HERC4: variants seen among roughly 807,000 people sequenced by gnomAD.
The protein encoded by HERC4 is probable E3 ubiquitin-protein ligase HERC4.
A neutral mutation model predicts 124.3 loss-of-function variants in HERC4; 28 were observed. The observed-to-expected ratio is 0.23, with a 90% CI of 0.17 to 0.31. The LOEUF (loss-of-function observed/expected upper bound fraction) is 0.31, where lower values mean the gene tolerates loss of function less well. Among genes scored for constraint, HERC4 ranks in the 10% least tolerant of loss-of-function variants. HERC4 has a pLI of 1.00. For synonymous variants in HERC4, 407 were observed against 421.5 expected (o/e 0.97, Z 0.42); for missense variants, 713 against 1,229.3 (o/e 0.58, Z 6.28).
chr10:68,027,734 C>A (rs1289130411), intron 7 of HERC4, among the ~76,000 whole-genome samples: 1 of 151,972 alleles, frequency 6.6e-6, no homozygotes, highest in Non-Finnish European at 1.5e-5. Context: ...GCCATCCTGG[C>A]CAACATGCTG....
At chr10:67,927,430 A>ATTTT (rs373401588) in intron 23 of HERC4, among the ~76,000 whole-genome samples, 584 of 37,512 alleles carry the variant, frequency 0.016, 15 homozygotes, top group South Asian at 0.033. Flanking sequence ...ATATATATAT[A>ATTTT]TTTTTTTTTT....
intron 3 of HERC4, chr10:68,069,954 A>C (rs1483456747): frequency 4.1e-6 from 2 of 489,706 alleles, no homozygotes; most frequent in Non-Finnish European, 5.3e-6. Flanking sequence ...AGGCAGGAGA[A>C]TCGCTTGAAC....
intron 3 of HERC4, among the ~76,000 whole-genome samples, chr10:68,059,523 ATAATAT>A (rs1325704673): frequency 5.3e-5 from 5 of 94,756 alleles, no homozygotes; most frequent in East Asian, 5.6e-4. Flanking sequence ...ATATATCATA[ATAATAT>A]TATATATCAT....
At chr10:68,007,135 T>C (rs771082646) in intron 9 of HERC4, among the ~76,000 whole-genome samples, 1 of 152,188 alleles carries the variant, frequency 6.6e-6, no homozygotes, top group Non-Finnish European at 1.5e-5. Flanking sequence ...AGCTATTTTC[T>C]AGATCCTGTG....
intron 5 of HERC4, among the ~76,000 whole-genome samples, chr10:68,035,320 T>C (rs2039406033): frequency 6.6e-6 from 1 of 152,094 alleles, no homozygotes; most frequent in Non-Finnish European, 1.5e-5. Flanking sequence ...GCCTGGCTAA[T>C]TTTTAAAAAA....
intron 15 of HERC4, among the ~76,000 whole-genome samples, chr10:67,977,633 T>C (rs955387718): frequency 2.0e-5 from 3 of 152,102 alleles, no homozygotes; most frequent in African/African-American, 7.2e-5. Flanking sequence ...TCTGGACCTG[T>C]GCTGGGCCAG....
At chr10:68,023,140 C>T (rs1182431943) in intron 8 of HERC4, among the ~76,000 whole-genome samples, 1 of 151,948 alleles carries the variant, frequency 6.6e-6, no homozygotes, top group Non-Finnish European at 1.5e-5. Context: ...GCAGTTCCTA[C>T]AAAAATTAAA....
chr10:68,052,013 A>C lies in HERC4; in HGVS notation c.227-7450T>G, dbSNP rs79024650. Among the ~76,000 whole-genome samples the C allele has an allele frequency of 0.026, 4,031 of 152,128 alleles. 399 individuals carry two copies. The East Asian group carries it at 0.31, about 12-fold the overall frequency. On this transcript the variant is annotated intron_variant, in intron 3 of 24. Transcript: ENST00000373700. ...CAAACTGTTCATATAAAAAGGGTGAAAAAAAAGTATCATTGTGTTCCTATC... is the reference window on the plus strand; with the variant it reads ...CAAACTGTTCATATAAAAAGGGTGACAAAAAAGTATCATTGTGTTCCTATC...
At chr10:67,998,885 G>A (rs2037062332) in intron 9 of HERC4, among the ~76,000 whole-genome samples, 1 of 152,006 alleles carries the variant, frequency 6.6e-6, no homozygotes, top group African/African-American at 2.4e-5. Context: ...GACTACAGGT[G>A]TGCACCACCA....
At chr10:67,977,118 G>GCAGC (rs2035639372) in intron 15 of HERC4, among the ~76,000 whole-genome samples, 2 of 152,184 alleles carry the variant, frequency 1.3e-5, no homozygotes, top group Admixed American at 6.5e-5. Flanking sequence ...ACCCAAGGCT[G>GCAGC]CACAGCTTGT....
chr10:67,958,174 C>T (rs980462017), intron 16 of HERC4, among the ~76,000 whole-genome samples: 1 of 152,100 alleles, frequency 6.6e-6, no homozygotes, highest in Non-Finnish European at 1.5e-5. Context: ...GGGAAGTGTA[C>T]GTAGTTTAAA....
chr10:68,067,195 T>G (rs1176039746), intron 3 of HERC4: 5 of 152,636 alleles, frequency 3.3e-5, no homozygotes, highest in Admixed American at 1.3e-4. Context: ...GTAATGCTCT[T>G]GAAATTCCTC....
At chr10:67,954,494 G>C (rs1271821279) in intron 19 of HERC4, 101 bp downstream of exon 19, 1 of 881,088 alleles carries the variant, frequency 1.1e-6, no homozygotes, top group African/African-American at 1.7e-5. Context: ...ATATGTTAGG[G>C]ATCCAGTAGT....
At chr10:68,051,073 T>C (rs931962955) in intron 3 of HERC4, among the ~76,000 whole-genome samples, 5 of 149,848 alleles carry the variant, frequency 3.3e-5, no homozygotes, top group Non-Finnish European at 5.9e-5. Flanking sequence ...ACCACATCAA[T>C]TGATGATCAG....
intron 3 of HERC4, chr10:68,070,355 C>G (rs563037916): frequency 1.1e-6 from 1 of 892,726 alleles, no homozygotes; most frequent in Non-Finnish European, 1.3e-6. Context: ...GCCTGTAATT[C>G]CAGCACTTCG....
chr10:67,981,370 A>G (rs936593930), intron 15 of HERC4, among the ~76,000 whole-genome samples: 1 of 152,214 alleles, frequency 6.6e-6, no homozygotes, highest in Non-Finnish European at 1.5e-5. Flanking sequence ...ACATTGGAGC[A>G]CCTAGACATA....
intron 9 of HERC4, chr10:68,010,410 C>T: frequency 1.0e-6 from 1 of 972,322 alleles, no homozygotes. Context: ...AAAATCCTCT[C>T]ATGGTGCATA....
chr10:67,991,386 G>C (rs1433288678), intron 11 of HERC4, among the ~76,000 whole-genome samples, 187 bp from the exon 12 acceptor site: 2 of 151,732 alleles, frequency 1.3e-5, no homozygotes, highest in African/African-American at 4.8e-5. Flanking sequence ...ACTTGATGAA[G>C]GTATTACTGT....
At chr10:67,955,262 A>G (rs2034064520) in intron 17 of HERC4, 132 bp from the exon 18 acceptor site, 2 of 722,896 alleles carry the variant, frequency 2.8e-6, no homozygotes, top group Non-Finnish European at 4.5e-6. Flanking sequence ...ATAGCACCTA[A>G]CAGTATCCCG....
Sources: allele counts gnomAD v4.1 joint callset (sites outside exome capture counted in the v4.1 genomes callset), GRCh38; gene constraint gnomAD v4.1.1; transcripts MANE v1.5; gene names NCBI Gene and HGNC (gene_info 2026-07-23, HGNC 2026-07-21).